The following PLCZ1 variants were observed in gnomAD, a reference collection of about 807,000 sequenced individuals.
PLCZ1 encodes the protein phospholipase C zeta 1, also known as 1-phosphatidylinositol 4,5-bisphosphate phosphodiesterase zeta-1.
PLCZ1 carries 64 observed loss-of-function variants against 76.8 expected under a neutral mutation model. That is an observed-to-expected ratio of 0.83 (90% CI 0.68 to 1.03). The LOEUF (loss-of-function observed/expected upper bound fraction) is 1.03. Among genes scored for constraint, PLCZ1 ranks in the 50% least tolerant of loss-of-function variants. The pLI is 0.00. For missense variants in PLCZ1, 751 were observed against 713.7 expected (o/e 1.05, Z -0.60); for synonymous variants, 248 against 230.8 (o/e 1.07, Z -0.68).
chr12:18,678,924 T>C (rs765011669), downstream of PLCZ1, among the ~76,000 whole-genome samples: 1 of 152,062 alleles, frequency 6.6e-6, no homozygotes, highest in South Asian at 2.1e-4. Context: ...TCAAACTGTT[T>C]TCACAGTGAT....
intron 5 of PLCZ1, chr12:18,715,671 G>T (rs553030904): frequency 1.7e-4 from 26 of 152,090 alleles, no homozygotes; most frequent in African/African-American, 6.3e-4. Flanking sequence ...TTGTTTTTTT[G>T]TTGTTGTTTT....
the PLCZ1 span, among the ~76,000 whole-genome samples, chr12:18,661,630 T>C: frequency 6.6e-6 from 1 of 151,996 alleles, no homozygotes; most frequent in Non-Finnish European, 1.5e-5. Flanking sequence ...TGGCTATTAT[T>C]AAAAAGTCAA....
chr12:18,668,640 A>T, the PLCZ1 span, among the ~76,000 whole-genome samples: 1 of 152,036 alleles, frequency 6.6e-6, no homozygotes, highest in Non-Finnish European at 1.5e-5. Context: ...TCATAGCACA[A>T]CTCATCTCCC....
At chr12:18,655,331 G>A in the PLCZ1 span, among the ~76,000 whole-genome samples, 1 of 152,028 alleles carries the variant, frequency 6.6e-6, no homozygotes, top group South Asian at 2.1e-4. Flanking sequence ...GCCAAAGCTG[G>A]GACAAGTTGG....
At chr12:18,668,824 T>C in the PLCZ1 span, among the ~76,000 whole-genome samples, 2 of 152,144 alleles carry the variant, frequency 1.3e-5, no homozygotes, top group Non-Finnish European at 2.9e-5. Context: ...TATCTACTCA[T>C]ACATCAGAAT....
intron 3 of PLCZ1, among the ~76,000 whole-genome samples, chr12:18,728,775 G>T (rs1382338026): frequency 6.6e-6 from 1 of 152,126 alleles, no homozygotes; most frequent in Non-Finnish European, 1.5e-5. Flanking sequence ...AGTGGAGAAA[G>T]AAATGTAAAG....
intron 3 of PLCZ1, among the ~76,000 whole-genome samples, chr12:18,728,495 T>C (rs1205208511): frequency 6.6e-6 from 1 of 152,012 alleles, no homozygotes; most frequent in Non-Finnish European, 1.5e-5. Flanking sequence ...CAGGAAAAGT[T>C]TGTAATGTAA....
intron 13 of PLCZ1, among the ~76,000 whole-genome samples, chr12:18,687,595 T>C (rs887403314): frequency 5.3e-5 from 8 of 152,126 alleles, no homozygotes; most frequent in African/African-American, 1.4e-4. Context: ...ACTTCCCTTA[T>C]GGCAAAAATG....
chr12:18,656,776 T>C, the PLCZ1 span, among the ~76,000 whole-genome samples: 60 of 152,062 alleles, frequency 3.9e-4, no homozygotes, highest in African/African-American at 1.3e-3. Context: ...AAAAACACAA[T>C]TATACAGGCA....
chr12:18,663,040 C>G, the PLCZ1 span, among the ~76,000 whole-genome samples: 1 of 152,022 alleles, frequency 6.6e-6, no homozygotes, highest in African/African-American at 2.4e-5. Flanking sequence ...GGATTAAACT[C>G]TCTCCAGTCA....
At chr12:18,670,294 GCACA>G in the PLCZ1 span, among the ~76,000 whole-genome samples, 28 of 150,318 alleles carry the variant, frequency 1.9e-4, no homozygotes, top group Admixed American at 1.4e-3. Flanking sequence ...ACACATATGC[GCACA>G]CACACACACA....
At chr12:18,650,742 A>G in the PLCZ1 span, among the ~76,000 whole-genome samples, 2,837 of 38,302 alleles carry the variant, frequency 0.074, 137 homozygotes, top group African/African-American at 0.11. Context: ...ATATATATAT[A>G]TATATATATA....
At chr12:18,736,583 A>AAATTGAG in intron 2 of PLCZ1, 6 of 1,240,580 alleles carry the variant, frequency 4.8e-6, no homozygotes, top group Non-Finnish European at 6.3e-6. Context: ...ATTAAAGTTA[A>AAATTGAG]AATTTGAGAA....
chr12:18,703,602 G>A (rs540898119), intron 7 of PLCZ1, among the ~76,000 whole-genome samples: 1 of 152,260 alleles, frequency 6.6e-6, no homozygotes, highest in South Asian at 2.1e-4. Context: ...ACAATAGAAT[G>A]TTAAGCAAAC....
chr12:18,650,353 G>A, the PLCZ1 span, among the ~76,000 whole-genome samples: 6,643 of 108,434 alleles, frequency 0.061, 305 homozygotes, highest in African/African-American at 0.15. Flanking sequence ...ATATATGTGT[G>A]TGTGTGTGTG....
At chr12:18,683,117 C>T (rs896556378), downstream of PLCZ1, 12 of 853,662 alleles carry the variant, frequency 1.4e-5, no homozygotes, top group Admixed American at 2.6e-4. Context: ...TGAATGGGCT[C>T]AATATTTCTA....
At chr12:18,672,025 G>T in the PLCZ1 span, among the ~76,000 whole-genome samples, 20 of 151,970 alleles carry the variant, frequency 1.3e-4, no homozygotes, top group Admixed American at 3.3e-4. Context: ...CCCACCAAAG[G>T]CCCCACCTAC....
chr12:18,701,742 T>G lies in PLCZ1; in HGVS notation c.899A>C (p.Lys300Thr), dbSNP rs1328849518. 6.2e-7 allele frequency: 1 copy of G among 1,610,778 alleles called. No homozygotes were observed. Among genetic ancestry groups the G allele is most frequent in the Non-Finnish European group, 8.5e-7 (1 of 1,178,502 alleles). ...LKFKILVKNKKIGTLKETHER... is the reference protein window; with the variant it reads ...LKFKILVKNKTIGTLKETHER... ...ATGGGTTTCCTTTAAGGTTCCTATT[T>G]TCTTATTTTTAACTAATATTTTGAA... The change falls in exon 8 of 15, where the codon AAA (lysine) becomes ACA (threonine). Residue 300 changes from lysine to threonine, a missense_variant. Lys to Thr is a moderately conservative substitution (Grantham distance 78). Transcript: ENST00000266505.
At chr12:18,714,646 A>G (rs1957736018) in intron 5 of PLCZ1, 1 of 152,168 alleles carries the variant, frequency 6.6e-6, no homozygotes, top group African/African-American at 2.4e-5. Flanking sequence ...CAGTAAGTAC[A>G]TTAAATTACC....
Sources: gnomAD v4.1 joint callset for allele counts (sites outside exome capture counted in the v4.1 genomes callset) on GRCh38, gnomAD v4.1.1 for gene constraint, MANE v1.5 for transcripts, NCBI Gene and HGNC (gene_info 2026-07-23, HGNC 2026-07-21) for gene names.